Variants in C8orf34 observed in about 807,000 individuals in gnomAD.
C8orf34 encodes the protein chromosome 8 open reading frame 34.
A neutral mutation model predicts 68.3 loss-of-function variants in C8orf34; 65 were observed. The observed-to-expected ratio is 0.95, with a 90% CI of 0.78 to 1.17. The LOEUF is 1.17. Among genes scored for constraint, C8orf34 ranks in the 50% most tolerant of loss-of-function variants. C8orf34 has a pLI of 0.00. For synonymous variants in C8orf34, 244 were observed against 241.2 expected (o/e 1.01, Z -0.11); for missense variants, 664 against 655.4 (o/e 1.01, Z -0.14).
At chr8:68,606,616 AATAAATTTGTAG>A (rs1817861844) in intron 7 of C8orf34, among the ~76,000 whole-genome samples, 1 of 152,086 alleles carries the variant, frequency 6.6e-6, no homozygotes, top group Non-Finnish European at 1.5e-5. Context: ...AATGTCATCC[AATAAATTTGTAG>A]CTAAATCAAC....
At chr8:68,592,628 G>T (rs1817430217) in intron 7 of C8orf34, among the ~76,000 whole-genome samples, 1 of 124,790 alleles carries the variant, frequency 8.0e-6, no homozygotes, top group Non-Finnish European at 1.6e-5. Context: ...TTGAGATGGA[G>T]TCTCGCTCTG....
intron 5 of C8orf34, among the ~76,000 whole-genome samples, chr8:68,502,100 T>C (rs1381152191): frequency 6.6e-6 from 1 of 152,194 alleles, no homozygotes; most frequent in East Asian, 1.9e-4. Context: ...ACAGTCTCGC[T>C]CTGTCCCCAG....
chr8:68,521,775 A>G lies in C8orf34; in HGVS notation c.766-24A>G, dbSNP rs370078438. On this transcript the variant is annotated intron_variant, in intron 5 of 13. Transcript: ENST00000518698. ...TTAATAAGAAAAAGCCATCTAAGAC[A>G]GCATATTCTTTTCTTCTCTTCAGGA... 5 of 1,599,324 alleles carry G rather than the reference A, an allele frequency of 3.1e-6. No homozygotes were observed. The Admixed American group carries it at 5.1e-5, about 16-fold the overall frequency.
At chr8:68,393,859 G>C (rs139160541) in intron 1 of C8orf34, among the ~76,000 whole-genome samples, 1 of 152,106 alleles carries the variant, frequency 6.6e-6, no homozygotes, top group Admixed American at 6.6e-5. Context: ...AGAGAAACAA[G>C]GTTGACGATA....
At chr8:68,374,701 TA>T (rs1017840908) in intron 1 of C8orf34, among the ~76,000 whole-genome samples, 1 of 152,038 alleles carries the variant, frequency 6.6e-6, no homozygotes, top group Non-Finnish European at 1.5e-5. Context: ...TTTCAAAAAA[TA>T]AAAAAATGTA....
chr8:68,714,233 C>T (rs1465303236), intron 9 of C8orf34, among the ~76,000 whole-genome samples: 1 of 152,090 alleles, frequency 6.6e-6, no homozygotes, highest in Non-Finnish European at 1.5e-5. Flanking sequence ...CGGAAGAAGA[C>T]AAAGATGCCT....
intron 8 of C8orf34, among the ~76,000 whole-genome samples, chr8:68,687,542 G>A (rs915561857): frequency 3.9e-5 from 6 of 151,922 alleles, no homozygotes; most frequent in Non-Finnish European, 1.5e-5. Flanking sequence ...AATGGTGCTG[G>A]GAAAACTGGC....
intron 1 of C8orf34, among the ~76,000 whole-genome samples, chr8:68,425,246 C>A (rs1437268485): frequency 6.6e-6 from 1 of 152,084 alleles, no homozygotes; most frequent in African/African-American, 2.4e-5. Context: ...TCACTCTAAC[C>A]ATTGCTATTC....
intron 7 of C8orf34, among the ~76,000 whole-genome samples, chr8:68,618,943 G>A (rs1190037227): frequency 5.9e-5 from 9 of 152,264 alleles, no homozygotes; most frequent in Middle Eastern, 3.4e-3. Flanking sequence ...CATGGATAAT[G>A]TGTTACTGAA....
At chr8:68,628,487 A>C (rs149064965) in intron 7 of C8orf34, among the ~76,000 whole-genome samples, 1 of 152,282 alleles carries the variant, frequency 6.6e-6, no homozygotes, top group East Asian at 1.9e-4. Flanking sequence ...ATGTTTTCAT[A>C]CACGTTTTAT....
At chr8:68,625,588 A>G (rs577076999) in intron 7 of C8orf34, 2 of 701,292 alleles carry the variant, frequency 2.9e-6, no homozygotes, top group Admixed American at 2.0e-5. Flanking sequence ...TGGAAAATGG[A>G]TTTACAATGT....
chr8:68,719,351 G>T (rs961420317), intron 9 of C8orf34, among the ~76,000 whole-genome samples: 1 of 151,876 alleles, frequency 6.6e-6, no homozygotes, highest in Non-Finnish European at 1.5e-5. Context: ...AGATCTTTCT[G>T]GATATGGTAC....
intron 1 of C8orf34, among the ~76,000 whole-genome samples, chr8:68,404,204 C>A (rs1809087056): frequency 6.6e-6 from 1 of 152,100 alleles, no homozygotes; most frequent in African/African-American, 2.4e-5. Flanking sequence ...ATATCCTTTG[C>A]CCACTTTTTG....
intron 10 of C8orf34, among the ~76,000 whole-genome samples, chr8:68,750,568 C>G (rs1822676068): frequency 6.6e-6 from 1 of 152,006 alleles, no homozygotes; most frequent in South Asian, 2.1e-4. Context: ...GTACCTAATG[C>G]CATTCAATCT....
At chr8:68,633,828 T>A (rs1472788381) in intron 7 of C8orf34, among the ~76,000 whole-genome samples, 1 of 149,778 alleles carries the variant, frequency 6.7e-6, no homozygotes, top group African/African-American at 2.4e-5. Context: ...AGAAAGGTTC[T>A]GATACTATAG....
chr8:68,786,427 C>A (rs1184698143), intron 11 of C8orf34, among the ~76,000 whole-genome samples: 2 of 151,954 alleles, frequency 1.3e-5, no homozygotes, highest in African/African-American at 4.8e-5. Flanking sequence ...CCTCAAGGAC[C>A]TTTTTTATTA....
intron 12 of C8orf34, 51 bp downstream of exon 12, chr8:68,787,587 C>T: frequency 7.6e-7 from 1 of 1,311,106 alleles, no homozygotes; most frequent in Non-Finnish European, 1.1e-6. Flanking sequence ...AGAAGGAAAT[C>T]CACAATAAAG....
At chr8:68,786,261 A>G (rs2129528962) in intron 11 of C8orf34, among the ~76,000 whole-genome samples, 1 of 152,176 alleles carries the variant, frequency 6.6e-6, no homozygotes, top group East Asian at 1.9e-4. Flanking sequence ...TCTAGAGGAG[A>G]ACCATCTTTC....
At chr8:68,772,801 C>CCTTTCTTT (rs777318220) in intron 10 of C8orf34, among the ~76,000 whole-genome samples, 1 of 146,656 alleles carries the variant, frequency 6.8e-6, no homozygotes, top group African/African-American at 2.5e-5. Context: ...CTCCCTCCCT[C>CCTTTCTTT]CTTTCTTTCT....
Sources: gnomAD v4.1 joint callset for allele counts (sites outside exome capture counted in the v4.1 genomes callset) on GRCh38, gnomAD v4.1.1 for gene constraint, MANE v1.5 for transcripts, NCBI Gene and HGNC (gene_info 2026-07-23, HGNC 2026-07-21) for gene names.